The following LRP1B variants were observed in gnomAD, a reference collection of about 807,000 sequenced individuals.
LRP1B encodes the protein low-density lipoprotein receptor-related protein 1B.
LRP1B carries 217 observed loss-of-function variants against 556.6 expected under a neutral mutation model. The ratio of observed to expected loss-of-function variants is 0.39; its 90% CI spans 0.35 to 0.44. The LOEUF is 0.44. LRP1B is among the 20% of genes least tolerant of loss of function. The pLI is 1.00. For synonymous variants in LRP1B, 2,047 were observed against 1,865.8 expected (o/e 1.10, Z -2.50); for missense variants, 5,053 against 5,620.8 (o/e 0.90, Z 3.23).
chr2:140,808,659 C>T (rs922530481), intron 32 of LRP1B, among the ~76,000 whole-genome samples: 4 of 152,230 alleles, frequency 2.6e-5, no homozygotes, highest in African/African-American at 9.6e-5. Context: ...TTCTTGCCAC[C>T]ATGTATATCA....
At chr2:141,116,830 G>C (rs1420289833) in intron 7 of LRP1B, among the ~76,000 whole-genome samples, 3 of 151,730 alleles carry the variant, frequency 2.0e-5, no homozygotes, top group Admixed American at 6.6e-5. Flanking sequence ...ATTTCTACGA[G>C]ATGACTTTCC....
At chr2:141,827,603 G>A (rs1217970927) in intron 1 of LRP1B, among the ~76,000 whole-genome samples, 1 of 152,116 alleles carries the variant, frequency 6.6e-6, no homozygotes, top group Admixed American at 6.5e-5. Flanking sequence ...TATATAGCCA[G>A]TATTTAGATA....
At chr2:141,690,299 T>G (rs1691467881) in intron 2 of LRP1B, among the ~76,000 whole-genome samples, 1 of 149,916 alleles carries the variant, frequency 6.7e-6, no homozygotes. Flanking sequence ...CTTTGAATTT[T>G]TAGTACATGC....
At chr2:141,034,548 A>T (rs1483361124) in intron 11 of LRP1B, among the ~76,000 whole-genome samples, 2 of 152,106 alleles carry the variant, frequency 1.3e-5, no homozygotes, top group Non-Finnish European at 2.9e-5. Flanking sequence ...TGGGCGAAGG[A>T]TATGAACAGA....
At chr2:140,668,529 G>T (rs552903841) in intron 41 of LRP1B, among the ~76,000 whole-genome samples, 3 of 151,974 alleles carry the variant, frequency 2.0e-5, no homozygotes, top group East Asian at 3.9e-4. Context: ...AGCTTAGAGG[G>T]TCATAATTTT....
At chr2:141,663,920 C>CAAAAAAAA (rs796406816) in intron 2 of LRP1B, among the ~76,000 whole-genome samples, 14 of 113,288 alleles carry the variant, frequency 1.2e-4, no homozygotes, top group South Asian at 2.9e-4. Flanking sequence ...AGAGATACAT[C>CAAAAAAAA]AAAAAAAAAA....
chr2:141,029,609 G>A (rs1407897647), intron 11 of LRP1B, among the ~76,000 whole-genome samples: 2 of 151,988 alleles, frequency 1.3e-5, no homozygotes, highest in Admixed American at 6.6e-5. Flanking sequence ...CCTGGGATCC[G>A]CAGCTGTGGC....
chr2:140,438,132 T>A (rs1017351231), intron 66 of LRP1B, among the ~76,000 whole-genome samples: 1 of 152,150 alleles, frequency 6.6e-6, no homozygotes, highest in Non-Finnish European at 1.5e-5. Context: ...CCCTCCAGCC[T>A]CAGCCTCCAG....
At chr2:140,777,049 C>A (rs1202893410) in intron 32 of LRP1B, among the ~76,000 whole-genome samples, 1 of 152,032 alleles carries the variant, frequency 6.6e-6, no homozygotes, top group African/African-American at 2.4e-5. Context: ...TCCAAGACTC[C>A]ATGAGAGGCT....
intron 7 of LRP1B, among the ~76,000 whole-genome samples, chr2:141,111,051 AC>A (rs1700738210): frequency 6.6e-6 from 1 of 152,158 alleles, no homozygotes; most frequent in South Asian, 2.1e-4. Flanking sequence ...CCAGCCAGTC[AC>A]CCCATGAAAT....
At chr2:140,524,288 G>C (rs1306762572) in intron 49 of LRP1B, among the ~76,000 whole-genome samples, 1 of 151,880 alleles carries the variant, frequency 6.6e-6, no homozygotes, top group Non-Finnish European at 1.5e-5. Context: ...TCTCATAGTA[G>C]TCAGAATGCC....
intron 1 of LRP1B, among the ~76,000 whole-genome samples, chr2:141,976,467 TGATA>T (rs993467332): frequency 1.3e-5 from 2 of 152,278 alleles, no homozygotes; most frequent in Middle Eastern, 3.4e-3. Context: ...CTTGGCCACC[TGATA>T]GATAAGTAAT....
chr2:140,791,420 C>T (rs1343685993), intron 32 of LRP1B, among the ~76,000 whole-genome samples: 1 of 151,700 alleles, frequency 6.6e-6, no homozygotes, highest in Admixed American at 6.6e-5. Context: ...CAGAGTGAGA[C>T]CCTGTCTCTA....
intron 1 of LRP1B, among the ~76,000 whole-genome samples, chr2:142,128,530 TCAA>T (rs1432427272): frequency 6.6e-6 from 1 of 152,206 alleles, no homozygotes; most frequent in African/African-American, 2.4e-5. Context: ...TTCTTAACTT[TCAA>T]CAAGATTTCT....
At chr2:142,061,892 A>G (rs1353008449) in intron 1 of LRP1B, among the ~76,000 whole-genome samples, 1 of 151,918 alleles carries the variant, frequency 6.6e-6, no homozygotes, top group Non-Finnish European at 1.5e-5. Flanking sequence ...TTCTTTGAAA[A>G]TTATGAAATT....
intron 3 of LRP1B, among the ~76,000 whole-genome samples, chr2:141,294,322 T>C (rs1189689391): frequency 6.6e-6 from 1 of 152,148 alleles, no homozygotes; most frequent in Non-Finnish European, 1.5e-5. Flanking sequence ...ATAAACATAT[T>C]ATGACTTAAG....
At chr2:140,591,143 C>A (rs693474) in intron 43 of LRP1B, among the ~76,000 whole-genome samples, 53,432 of 152,006 alleles carry the variant, frequency 0.35, 10,450 homozygotes, top group African/African-American at 0.53. Flanking sequence ...AATATTGGAC[C>A]TAATAGTCTG....
chr2:142,010,888 T>A (rs1409845557), intron 1 of LRP1B, among the ~76,000 whole-genome samples: 1 of 152,152 alleles, frequency 6.6e-6, no homozygotes, highest in Admixed American at 6.5e-5. Context: ...GGATACACAT[T>A]AATCACCAGG....
intron 1 of LRP1B, among the ~76,000 whole-genome samples, chr2:142,051,727 G>A (rs896114253): frequency 1.3e-5 from 2 of 151,942 alleles, no homozygotes; most frequent in Middle Eastern, 3.4e-3. Context: ...CATCCCCCTC[G>A]GCCTCCCAAA....
Sources: gnomAD v4.1 joint callset for allele counts (sites outside exome capture counted in the v4.1 genomes callset) on GRCh38, gnomAD v4.1.1 for gene constraint, MANE v1.5 for transcripts, NCBI Gene and HGNC (gene_info 2026-07-23, HGNC 2026-07-21) for gene names.